Variants in LINGO2 observed in about 807,000 individuals in gnomAD.
LINGO2 encodes leucine rich repeat and Ig domain containing 2, also known as leucine-rich repeat and immunoglobulin-like domain-containing nogo receptor-interacting protein 2.
Under a neutral mutation model 30.6 loss-of-function variants are expected in LINGO2, and 14 were observed. The ratio of observed to expected loss-of-function variants is 0.46; its 90% CI spans 0.30 to 0.72. The LOEUF (loss-of-function observed/expected upper bound fraction) is 0.72. Ranked by LOEUF, LINGO2 falls within the 30% of genes least tolerant of loss-of-function variation. LINGO2 has a pLI of 0.07. For synonymous variants in LINGO2, 317 were observed against 288.5 expected, an observed-to-expected ratio of 1.10 and a Z score of -1.00; for missense variants, 729 against 751.7, an observed-to-expected ratio of 0.97 and a Z score of 0.35.
At chr9:29,208,040 T>A in the LINGO2 span, among the ~76,000 whole-genome samples, 1 of 152,008 alleles carries the variant, frequency 6.6e-6, no homozygotes, top group Non-Finnish European at 1.5e-5. Flanking sequence ...CTACCAGTGG[T>A]CCTGGGCAAA....
chr9:27,948,220 G>A (rs1201868599), exon 6 of LINGO2: 2 of 152,196 alleles, frequency 1.3e-5, no homozygotes, highest in East Asian at 3.9e-4. Context: ...TAACTCCAGG[G>A]ATCTAGTCTC....
chr9:28,117,772 C>A (rs892958135), intron 4 of LINGO2, among the ~76,000 whole-genome samples: 3 of 149,128 alleles, frequency 2.0e-5, no homozygotes, highest in African/African-American at 4.9e-5. Flanking sequence ...CTTCGGCTCG[C>A]GGACGGTGCG....
the LINGO2 span, among the ~76,000 whole-genome samples, chr9:29,037,437 A>G: frequency 6.6e-6 from 1 of 151,992 alleles, no homozygotes; most frequent in Non-Finnish European, 1.5e-5. Context: ...TGTTAAAAAT[A>G]TGTAATCACA....
chr9:29,094,486 C>CT, the LINGO2 span, among the ~76,000 whole-genome samples: 1 of 138,722 alleles, frequency 7.2e-6, no homozygotes, highest in South Asian at 2.2e-4. Context: ...AATGAAGAAA[C>CT]TGAAGCAAAG....
At chr9:28,925,690 T>A in the LINGO2 span, among the ~76,000 whole-genome samples, 1 of 152,214 alleles carries the variant, frequency 6.6e-6, no homozygotes, top group African/African-American at 2.4e-5. Context: ...ATGATTTTTG[T>A]GGGTTCTTCT....
chr9:28,029,481 A>G (rs914869017), intron 4 of LINGO2, among the ~76,000 whole-genome samples: 2 of 152,210 alleles, frequency 1.3e-5, no homozygotes, highest in Non-Finnish European at 2.9e-5. Flanking sequence ...AGAGATAGTT[A>G]AGCCACTTTG....
chr9:28,024,454 G>A (rs577823884), intron 4 of LINGO2, among the ~76,000 whole-genome samples: 46 of 152,248 alleles, frequency 3.0e-4, no homozygotes, highest in African/African-American at 1.0e-3. Flanking sequence ...AGCTCAGTTT[G>A]TGGGGAACAT....
intron 5 of LINGO2, among the ~76,000 whole-genome samples, chr9:27,960,073 A>T (rs932372871): frequency 3.3e-5 from 5 of 152,062 alleles, no homozygotes; most frequent in African/African-American, 4.8e-5. Flanking sequence ...ATTGGGGGTT[A>T]TTTCATTTTG....
chr9:29,006,564 G>A, the LINGO2 span, among the ~76,000 whole-genome samples: 3 of 151,988 alleles, frequency 2.0e-5, no homozygotes, highest in Non-Finnish European at 2.9e-5. Context: ...AAAATATTTG[G>A]ATATATGGTT....
chr9:28,711,248 T>A, the LINGO2 span, among the ~76,000 whole-genome samples: 1 of 152,158 alleles, frequency 6.6e-6, no homozygotes, highest in African/African-American at 2.4e-5. Context: ...ATTGCAATAA[T>A]CTATATTTTA....
the LINGO2 span, among the ~76,000 whole-genome samples, chr9:28,866,696 T>C: frequency 6.6e-6 from 1 of 152,200 alleles, no homozygotes; most frequent in Non-Finnish European, 1.5e-5. Context: ...TTCTGAGTGC[T>C]GTTAGTGTGA....
the LINGO2 span, among the ~76,000 whole-genome samples, chr9:28,960,951 T>C: frequency 6.6e-6 from 1 of 152,112 alleles, no homozygotes. Flanking sequence ...GAATCACTAC[T>C]AATCACAAGG....
chr9:28,571,630 C>T (rs1823698532), intron 1 of LINGO2, among the ~76,000 whole-genome samples: 1 of 151,990 alleles, frequency 6.6e-6, no homozygotes, highest in Non-Finnish European at 1.5e-5. Flanking sequence ...GATTTAAATC[C>T]ACTTCTTTTG....
chr9:29,173,154 G>A, the LINGO2 span, among the ~76,000 whole-genome samples: 1 of 152,002 alleles, frequency 6.6e-6, no homozygotes, highest in Admixed American at 6.6e-5. Context: ...ACCTTTGGGT[G>A]CAGCTGTGGT....
intron 4 of LINGO2, among the ~76,000 whole-genome samples, chr9:28,243,303 C>CA (rs1044780258): frequency 6.6e-6 from 1 of 151,622 alleles, no homozygotes; most frequent in African/African-American, 2.4e-5. Flanking sequence ...CTAAAAAATA[C>CA]AAAAAAATTA....
chr9:29,012,731 T>C, the LINGO2 span, among the ~76,000 whole-genome samples: 1 of 152,124 alleles, frequency 6.6e-6, no homozygotes, highest in Non-Finnish European at 1.5e-5. Context: ...ATTTTACATA[T>C]ATCTAGTAAC....
chr9:29,111,152 A>AT, the LINGO2 span, among the ~76,000 whole-genome samples: 5 of 152,150 alleles, frequency 3.3e-5, no homozygotes, highest in African/African-American at 9.7e-5. Context: ...CACTGTATAC[A>AT]TTTTTTAAAT....
the LINGO2 span, among the ~76,000 whole-genome samples, chr9:29,150,847 A>C: frequency 5.2e-3 from 793 of 152,284 alleles, 6 homozygotes; most frequent in African/African-American, 0.018. Flanking sequence ...GTAGTACACA[A>C]AAATTTTTCC....
At chr9:28,430,266 C>T (rs1208394185) in intron 2 of LINGO2, among the ~76,000 whole-genome samples, 2 of 152,102 alleles carry the variant, frequency 1.3e-5, no homozygotes, top group African/African-American at 4.8e-5. Flanking sequence ...AAGTGCCAGC[C>T]ATGTGACTTA....
Sources: allele counts gnomAD v4.1 joint callset (sites outside exome capture counted in the v4.1 genomes callset), GRCh38; gene constraint gnomAD v4.1.1; transcripts MANE v1.5; gene names NCBI Gene and HGNC (gene_info 2026-07-23, HGNC 2026-07-21).